CTNNA2: variants seen among roughly 807,000 people sequenced by gnomAD.
The protein encoded by CTNNA2 is catenin alpha-2.
CTNNA2 carries 42 observed loss-of-function variants against 101.0 expected under a neutral mutation model. The observed-to-expected ratio is 0.42, with a 90% CI of 0.32 to 0.54. The LOEUF (loss-of-function observed/expected upper bound fraction) is 0.54. CTNNA2 is among the 20% of genes least tolerant of loss of function. CTNNA2 has a pLI of 0.14. For synonymous variants in CTNNA2, 450 were observed against 456.4 expected (o/e 0.99, Z 0.18); for missense variants, 871 against 1,223.1 (o/e 0.71, Z 4.29).
chr2:80,610,764 T>G (rs1227101813), intron 17 of CTNNA2, among the ~76,000 whole-genome samples: 3 of 151,740 alleles, frequency 2.0e-5, no homozygotes, highest in African/African-American at 7.2e-5. Flanking sequence ...TGTCAGCGTG[T>G]TTTTGTTTTA....
At chr2:79,357,669 C>G (rs1239214040) in intron 3 of CTNNA2, among the ~76,000 whole-genome samples, 5 of 152,002 alleles carry the variant, frequency 3.3e-5, no homozygotes, top group African/African-American at 1.2e-4. Flanking sequence ...AAAATCATAC[C>G]TGAGCACATC....
chr2:79,968,857 G>A (rs996675325), intron 7 of CTNNA2, among the ~76,000 whole-genome samples: 6 of 150,306 alleles, frequency 4.0e-5, no homozygotes, highest in African/African-American at 1.2e-4. Flanking sequence ...GAATCCCTTC[G>A]TTGCTCCAGT....
intron 7 of CTNNA2, among the ~76,000 whole-genome samples, chr2:80,006,180 A>G (rs1693328209): frequency 1.3e-5 from 2 of 152,106 alleles, no homozygotes; most frequent in Admixed American, 6.6e-5. Flanking sequence ...TTTTGAAGAG[A>G]CAAATATGTT....
intron 7 of CTNNA2, among the ~76,000 whole-genome samples, chr2:80,043,115 CTTTCTCCT>C (rs1558755211): frequency 1.0e-5 from 1 of 95,270 alleles, no homozygotes; most frequent in Non-Finnish European, 2.0e-5. Context: ...CTCTCTCTTT[CTTTCTCCT>C]TCCTTCCTTC....
At chr2:79,695,732 C>T (rs938163728) in intron 2 of CTNNA2, among the ~76,000 whole-genome samples, 2 of 151,930 alleles carry the variant, frequency 1.3e-5, no homozygotes, top group Non-Finnish European at 2.9e-5. Context: ...CGTTTTAGCC[C>T]TTAGAGAAGA....
Position 80,071,891 on chromosome 2 carries a change from A to AATG in CTNNA2, c.1056+162096_1056+162098dup, listed in dbSNP as rs1286647924. Among the ~76,000 whole-genome samples the AATG allele has an allele frequency of 3.9e-5, 6 of 152,308 alleles. No homozygotes were observed. The East Asian group carries it at 1.2e-3, about 29-fold the overall frequency. On this transcript the variant is annotated intron_variant, in intron 7 of 18. Coordinates refer to ENST00000402739, the MANE Select transcript of CTNNA2 (RefSeq NM_001282597.3). ...TTCTCGGATTTGGGGAAAACTTGCA[A>AATG]ATGAAAATAGTAAAGTTTATCTCCT... is the stretch of plus-strand genomic sequence containing the variant.
At chr2:80,255,125 C>T (rs914928267) in intron 7 of CTNNA2, among the ~76,000 whole-genome samples, 2 of 152,106 alleles carry the variant, frequency 1.3e-5, no homozygotes, top group Admixed American at 1.3e-4. Flanking sequence ...GATAGATGTT[C>T]GTCTTTCCAC....
chr2:80,433,100 A>T (rs992569170), intron 9 of CTNNA2, among the ~76,000 whole-genome samples: 1 of 152,196 alleles, frequency 6.6e-6, no homozygotes, highest in Non-Finnish European at 1.5e-5. Context: ...GGCTGTTTTC[A>T]TCCCCACAAT....
intron 3 of CTNNA2, among the ~76,000 whole-genome samples, chr2:79,359,643 G>A (rs971305298): frequency 6.6e-6 from 1 of 152,204 alleles, no homozygotes. Flanking sequence ...AGGAGCAGCT[G>A]CGTAGAGCTA....
chr2:79,769,796 A>C (rs1673441329), intron 3 of CTNNA2, among the ~76,000 whole-genome samples: 1 of 152,180 alleles, frequency 6.6e-6, no homozygotes, highest in South Asian at 2.1e-4. Context: ...AATCCTGATT[A>C]TTATTACGTT....
intron 2 of CTNNA2, among the ~76,000 whole-genome samples, chr2:79,219,597 A>G (rs1375848283): frequency 6.6e-6 from 1 of 152,186 alleles, no homozygotes; most frequent in Non-Finnish European, 1.5e-5. Context: ...CTGTTAGAAT[A>G]TGGCCTCGAA....
chr2:80,138,350 TA>T (rs975414855), intron 7 of CTNNA2, among the ~76,000 whole-genome samples: 1 of 152,200 alleles, frequency 6.6e-6, no homozygotes, highest in African/African-American at 2.4e-5. Flanking sequence ...ATGTTGATCT[TA>T]GGCTAGTTAC....
At chr2:79,638,235 A>G (rs1680211983) in intron 1 of CTNNA2, among the ~76,000 whole-genome samples, 1 of 152,208 alleles carries the variant, frequency 6.6e-6, no homozygotes, top group African/African-American at 2.4e-5. Context: ...AACAGGCCTC[A>G]TTTGCATTTC....
At chr2:79,997,348 AAAGG>A (rs1692626112) in intron 7 of CTNNA2, among the ~76,000 whole-genome samples, 1 of 148,882 alleles carries the variant, frequency 6.7e-6, no homozygotes, top group Admixed American at 6.7e-5. Context: ...AAGGAAAAGA[AAAGG>A]AAGGAAAAGA....
At chr2:80,539,184 T>C (rs560853423) in intron 9 of CTNNA2, among the ~76,000 whole-genome samples, 1 of 152,250 alleles carries the variant, frequency 6.6e-6, no homozygotes, top group African/African-American at 2.4e-5. Flanking sequence ...ATCAGGAATA[T>C]TGTCACTCTG....
intron 7 of CTNNA2, among the ~76,000 whole-genome samples, chr2:79,976,624 A>C (rs1690861048): frequency 6.6e-6 from 1 of 152,210 alleles, no homozygotes; most frequent in Non-Finnish European, 1.5e-5. Flanking sequence ...AGGCACAGGC[A>C]TTACGATTAC....
chr2:79,495,648 T>C (rs1671248905), intron 4 of CTNNA2, among the ~76,000 whole-genome samples: 1 of 152,156 alleles, frequency 6.6e-6, no homozygotes, highest in South Asian at 2.1e-4. Flanking sequence ...ACACATTCGA[T>C]ACACAGGTGT....
At chr2:79,656,477 G>A (rs1681620829) in intron 2 of CTNNA2, among the ~76,000 whole-genome samples, 1 of 152,064 alleles carries the variant, frequency 6.6e-6, no homozygotes, top group Non-Finnish European at 1.5e-5. Flanking sequence ...ATGAAAAACA[G>A]AAGTTATGGG....
intron 4 of CTNNA2, among the ~76,000 whole-genome samples, chr2:79,415,632 G>A (rs1393152013): frequency 6.6e-6 from 1 of 152,056 alleles, no homozygotes; most frequent in East Asian, 1.9e-4. Flanking sequence ...AATACTATGT[G>A]GGAAAATGGG....
Sources: gnomAD v4.1 joint callset for allele counts (sites outside exome capture counted in the v4.1 genomes callset) on GRCh38, gnomAD v4.1.1 for gene constraint, MANE v1.5 for transcripts, NCBI Gene and HGNC (gene_info 2026-07-23, HGNC 2026-07-21) for gene names.